TSPAN5: variants seen among roughly 807,000 people sequenced by gnomAD.
TSPAN5 encodes tetraspanin-5.
A neutral mutation model predicts 37.1 loss-of-function variants in TSPAN5; 10 were observed. The observed-to-expected ratio is 0.27, with a 90% CI of 0.17 to 0.46. TSPAN5 has a LOEUF of 0.46. Among genes scored for constraint, TSPAN5 ranks in the 20% least tolerant of loss-of-function variants. TSPAN5 has a pLI of 1.00. For missense variants in TSPAN5, 195 were observed against 326.6 expected, an observed-to-expected ratio of 0.60 and a Z score of 3.11; for synonymous variants, 110 against 118.9, an observed-to-expected ratio of 0.93 and a Z score of 0.48.
At chr4:98,551,392 T>C (rs992378524) in intron 1 of TSPAN5, among the ~76,000 whole-genome samples, 1 of 148,254 alleles carries the variant, frequency 6.7e-6, no homozygotes, top group Non-Finnish European at 1.5e-5. Context: ...ACTAGCCTTG[T>C]AGAATGAGGT....
intron 1 of TSPAN5, among the ~76,000 whole-genome samples, chr4:98,572,520 G>C (rs1350113275): frequency 6.6e-6 from 1 of 152,236 alleles, no homozygotes; most frequent in East Asian, 1.9e-4. Context: ...AGCAGGAAAA[G>C]TAAGATCATA....
intron 1 of TSPAN5, among the ~76,000 whole-genome samples, chr4:98,531,282 C>T (rs546314811): frequency 6.6e-6 from 1 of 152,212 alleles, no homozygotes; most frequent in Admixed American, 6.5e-5. Context: ...GTGTGTTCTC[C>T]TTGTTCAACT....
intron 1 of TSPAN5, among the ~76,000 whole-genome samples, chr4:98,512,124 A>G (rs1288801330): frequency 1.4e-4 from 21 of 151,754 alleles, no homozygotes. Flanking sequence ...GAGGCAGGAG[A>G]ATCGCTTGAA....
At chr4:98,561,108 T>C (rs7691924) in intron 1 of TSPAN5, among the ~76,000 whole-genome samples, 36 of 152,346 alleles carry the variant, frequency 2.4e-4, no homozygotes, top group Admixed American at 7.8e-4. Context: ...ACCAATGGAC[T>C]GTGAGAGAAG....
chr4:98,567,072 G>A (rs763513065), intron 1 of TSPAN5, among the ~76,000 whole-genome samples: 2 of 152,218 alleles, frequency 1.3e-5, no homozygotes, highest in African/African-American at 4.8e-5. Context: ...TTCTTGCAAA[G>A]GGGCACTCAA....
chr4:98,478,899 C>A, intron 4 of TSPAN5, 89 bp from the exon 5 acceptor site: 2 of 1,476,890 alleles, frequency 1.4e-6, no homozygotes, highest in Non-Finnish European at 1.9e-6. Context: ...CCAGCTTCTG[C>A]CAGCTCTGAC....
intron 1 of TSPAN5, among the ~76,000 whole-genome samples, chr4:98,591,018 T>C (rs1013470864): frequency 6.6e-6 from 1 of 151,842 alleles, no homozygotes; most frequent in Non-Finnish European, 1.5e-5. Flanking sequence ...TTCCCAGTCA[T>C]AGCCCAATAG....
rs138092325 is a variant in TSPAN5, at chr4:98,557,977, C to T, written c.82-50249G>A. On this transcript the variant is annotated intron_variant, in intron 1 of 7. Transcript: ENST00000305798. ...GAGGTGCCTAAGAAACCATGAACAA[C>T]GTAATGTAGTGCCCAGGGTGAGATC... Among the ~76,000 whole-genome samples, 367 of 152,232 alleles carry T rather than the reference C, an allele frequency of 2.4e-3. 5 individuals are homozygous for T. The highest frequency in any genetic ancestry group is 8.4e-3 in the African/African-American group (350 of 41,540).
At chr4:98,482,200 A>G (rs755632262) in intron 3 of TSPAN5, 25 bp from the exon 4 acceptor site, 1 of 1,610,300 alleles carries the variant, frequency 6.2e-7, no homozygotes, top group Non-Finnish European at 8.5e-7. Context: ...ACATACACAG[A>G]GAACAGTTAT....
intron 1 of TSPAN5, among the ~76,000 whole-genome samples, chr4:98,612,701 T>TC: frequency 6.8e-6 from 1 of 146,756 alleles, no homozygotes; most frequent in East Asian, 2.0e-4. Context: ...CCCGCGGGGC[T>TC]CCCCCCGCTC....
intron 1 of TSPAN5, among the ~76,000 whole-genome samples, chr4:98,567,772 G>A (rs1237954465): frequency 1.3e-5 from 1 of 77,442 alleles, no homozygotes; most frequent in East Asian, 3.8e-4. Context: ...GGTCAGAGAA[G>A]TAGAAACGAG....
At chr4:98,523,593 C>A (rs1378197647) in intron 1 of TSPAN5, among the ~76,000 whole-genome samples, 3 of 152,126 alleles carry the variant, frequency 2.0e-5, no homozygotes, top group Non-Finnish European at 4.4e-5. Flanking sequence ...CACCACCACA[C>A]CTGGCTAATT....
chr4:98,470,520 TGAA>T lies in TSPAN5; in HGVS notation c.*1999_*2001del. Reference sequence around the variant, plus strand: ...AAAGGGCAGGGATCTTGCCTGATTCTGAATCAATTGGCCAGATGGAGTTCACTG... The same window carrying T: ...AAAGGGCAGGGATCTTGCCTGATTCTTCAATTGGCCAGATGGAGTTCACTG... On this transcript the variant is annotated 3_prime_UTR_variant, in exon 8 of 8. Transcript: ENST00000305798. The T allele has an allele frequency of 6.6e-6, 1 of 152,370 alleles. No individual in the cohort carries two copies. The highest frequency in any genetic ancestry group is 6.5e-5 in the Admixed American group (1 of 15,308). 9.4% of individuals were successfully genotyped at this position (152,370 alleles called of 1,614,324 possible).
chr4:98,524,136 A>C (rs1196066736), intron 1 of TSPAN5, among the ~76,000 whole-genome samples: 1 of 152,268 alleles, frequency 6.6e-6, no homozygotes, highest in Non-Finnish European at 1.5e-5. Flanking sequence ...TGCATTATTC[A>C]GTTAATCTAG....
At chr4:98,484,296 G>A in intron 3 of TSPAN5, 1 of 377,520 alleles carries the variant, frequency 2.6e-6, no homozygotes, top group South Asian at 2.0e-5. Context: ...CCATTTTGCA[G>A]TATCTTAGTT....
intron 1 of TSPAN5, among the ~76,000 whole-genome samples, chr4:98,573,828 A>C (rs188985524): frequency 5.3e-5 from 8 of 152,330 alleles, no homozygotes; most frequent in African/African-American, 1.9e-4. Flanking sequence ...ATACAGCTTA[A>C]AATTACATGG....
intron 1 of TSPAN5, among the ~76,000 whole-genome samples, chr4:98,619,528 C>T (rs1379210793): frequency 2.6e-5 from 4 of 152,142 alleles, no homozygotes; most frequent in African/African-American, 4.8e-5. Context: ...CAAAGTCTTA[C>T]AAACCATCTA....
At chr4:98,525,710 T>C (rs1753946492) in intron 1 of TSPAN5, among the ~76,000 whole-genome samples, 1 of 152,208 alleles carries the variant, frequency 6.6e-6, no homozygotes, top group Non-Finnish European at 1.5e-5. Context: ...CAATGTTTAA[T>C]ATTAAAAGTG....
chr4:98,651,641 T>C (rs1757187385), intron 1 of TSPAN5, among the ~76,000 whole-genome samples: 1 of 152,144 alleles, frequency 6.6e-6, no homozygotes, highest in South Asian at 2.1e-4. Context: ...TGTTTCCAAA[T>C]AAAAATTTTA....
Sources: allele counts gnomAD v4.1 joint callset (sites outside exome capture counted in the v4.1 genomes callset), GRCh38; gene constraint gnomAD v4.1.1; transcripts MANE v1.5; gene names NCBI Gene and HGNC (gene_info 2026-07-23, HGNC 2026-07-21).